Variants in INTS7 observed in about 807,000 individuals in gnomAD.
INTS7 encodes the protein integrator complex subunit 7.
INTS7 carries 46 observed loss-of-function variants against 109.2 expected under a neutral mutation model. That is an observed-to-expected ratio of 0.42 (90% CI 0.33 to 0.54). INTS7 has a LOEUF of 0.54. Ranked by LOEUF, INTS7 falls within the 20% of genes least tolerant of loss-of-function variation. The pLI, the probability that INTS7 is intolerant of heterozygous loss-of-function variation, is 0.07. For missense variants in INTS7, 929 were observed against 1,132.4 expected (o/e 0.82, Z 2.58); for synonymous variants, 412 against 402.9 (o/e 1.02, Z -0.27).
intron 1 of INTS7, among the ~76,000 whole-genome samples, chr1:212,026,226 A>G (rs1270651191): frequency 6.6e-6 from 1 of 152,226 alleles, no homozygotes; most frequent in African/African-American, 2.4e-5. Context: ...ACCACAAAGT[A>G]AAACTGCATA....
intron 4 of INTS7, among the ~76,000 whole-genome samples, chr1:212,012,187 G>C (rs112057249): frequency 1.3e-5 from 2 of 152,098 alleles, no homozygotes; most frequent in East Asian, 1.9e-4. Context: ...CCCTGAAAGC[G>C]TGTGAGTTTG....
At chr1:212,014,538 T>G (rs1210830461) in intron 4 of INTS7, among the ~76,000 whole-genome samples, 5 of 150,286 alleles carry the variant, frequency 3.3e-5, no homozygotes, top group Non-Finnish European at 7.4e-5. Context: ...TTAAAAAAAT[T>G]TATCCTCTCC....
chr1:211,948,691 G>C (rs577645261), intron 17 of INTS7, among the ~76,000 whole-genome samples: 18 of 152,134 alleles, frequency 1.2e-4, no homozygotes, highest in Non-Finnish European at 2.4e-4. Flanking sequence ...GCAGAAAGAC[G>C]TTAACGCTTT....
At chr1:211,973,224 G>A (rs140384968) in intron 13 of INTS7, among the ~76,000 whole-genome samples, 1 of 152,274 alleles carries the variant, frequency 6.6e-6, no homozygotes, top group Admixed American at 6.5e-5. Context: ...GGGATTACAG[G>A]CATGAGCCCC....
chr1:212,031,083 C>G (rs1417748328), intron 1 of INTS7: 1 of 152,236 alleles, frequency 6.6e-6, no homozygotes, highest in Admixed American at 6.5e-5. Flanking sequence ...CAAATCTATC[C>G]TCTATATTTC....
At position 211,959,032 on chromosome 1, in the gene INTS7, C is replaced by T. The variant is rs1296575793; in HGVS notation, c.2184-6331G>A. ...CCGGGGGAACAGTGACTTGAACTGG[C>T]AAAAAAACAACCAGCTACTGCCACG... On this transcript the variant is annotated intron_variant, in intron 16 of 19. Transcript: ENST00000366994. The surrounding 1 kb of genome is among the most constrained non-coding windows in gnomAD (Gnocchi z 4.2). Among the ~76,000 whole-genome samples the T allele has an allele frequency of 6.6e-6, 1 of 151,992 alleles. No individual in the cohort carries two copies. Among genetic ancestry groups the T allele is most frequent in the African/African-American group, 2.4e-5 (1 of 41,366 alleles).
chr1:211,973,114 C>T (rs2102416245), intron 13 of INTS7, among the ~76,000 whole-genome samples: 1 of 152,196 alleles, frequency 6.6e-6, no homozygotes, highest in East Asian at 1.9e-4. Context: ...CCATGCCTGG[C>T]TAATTTTTTT....
chr1:211,945,829 C>T (rs1241980776), intron 18 of INTS7, among the ~76,000 whole-genome samples: 1 of 152,192 alleles, frequency 6.6e-6, no homozygotes, highest in Non-Finnish European at 1.5e-5. Flanking sequence ...TTGTGAGTGG[C>T]TTAAATATTT....
chr1:211,977,595 T>C (rs1664474993), intron 11 of INTS7, among the ~76,000 whole-genome samples: 1 of 152,240 alleles, frequency 6.6e-6, no homozygotes, highest in Non-Finnish European at 1.5e-5. Context: ...CATTATATTT[T>C]TTCCCACATT....
Position 211,996,650 on chromosome 1 carries a change from CACTT to C in INTS7, c.880-8651_880-8648del, listed in dbSNP as rs1026503590. ...TGCTCTCATGGATATTAAAAAAAAT[CACTT>C]ACAGTAGCATTAAGACCATGAAATA... On this transcript the variant is annotated intron_variant, in intron 7 of 19. Transcript: ENST00000366994. Among the ~76,000 whole-genome samples, 10 of 152,102 alleles carry C rather than the reference CACTT, an allele frequency of 6.6e-5. 1 individual carries two copies. Among genetic ancestry groups the C allele is most frequent in the East Asian group, 3.8e-4 (2 of 5,196 alleles).
chr1:212,025,323 A>T (rs1405128311), intron 1 of INTS7, among the ~76,000 whole-genome samples: 1 of 152,170 alleles, frequency 6.6e-6, no homozygotes, highest in Non-Finnish European at 1.5e-5. Flanking sequence ...GGTAGCCAGG[A>T]GCTAGAGAGA....
intron 16 of INTS7, among the ~76,000 whole-genome samples, chr1:211,957,342 T>C (rs1038232346): frequency 3.3e-5 from 5 of 152,114 alleles, no homozygotes; most frequent in Non-Finnish European, 5.9e-5. Context: ...GGTCGGGAGT[T>C]TGAGACCAGC....
intron 7 of INTS7, among the ~76,000 whole-genome samples, chr1:212,000,962 A>G (rs1665640639): frequency 6.6e-6 from 1 of 152,020 alleles, no homozygotes; most frequent in African/African-American, 2.4e-5. Context: ...GGTCATTTCC[A>G]TCAATAAAAA....
chr1:211,951,365 G>A (rs1277511039), intron 17 of INTS7, among the ~76,000 whole-genome samples: 1 of 152,100 alleles, frequency 6.6e-6, no homozygotes, highest in Non-Finnish European at 1.5e-5. Flanking sequence ...CTGGAGTGCA[G>A]TGGCGCTATC....
intron 1 of INTS7, among the ~76,000 whole-genome samples, chr1:212,034,646 CT>C (rs766669928): frequency 2.0e-5 from 3 of 152,218 alleles, no homozygotes; most frequent in Admixed American, 6.5e-5. Context: ...CTAAATGCTT[CT>C]TTTGCATACC....
intron 8 of INTS7, among the ~76,000 whole-genome samples, chr1:211,987,548 T>C (rs1664946440): frequency 6.6e-6 from 1 of 152,186 alleles, no homozygotes; most frequent in African/African-American, 2.4e-5. Context: ...TACTTGACCT[T>C]TGAAATGTAC....
chr1:211,978,609 G>A (rs1664525214), intron 10 of INTS7, 98 bp from the exon 11 acceptor site: 3 of 1,344,858 alleles, frequency 2.2e-6, no homozygotes, highest in East Asian at 2.4e-5. Context: ...AAACTCAAGG[G>A]TGAGGTTTCT....
chr1:211,975,521 ACT>A (rs539841710), intron 12 of INTS7, 149 bp from the exon 13 acceptor site: 4 of 618,036 alleles, frequency 6.5e-6, no homozygotes, highest in East Asian at 2.7e-5. Context: ...ATTCGCTGAG[ACT>A]CTGTCTAAAT....
rs1037734656 is a variant in INTS7, at chr1:212,011,172, G to C, written c.556+203C>G. Among the ~76,000 whole-genome samples, 4 of 152,122 alleles carry C rather than the reference G, an allele frequency of 2.6e-5. 1 individual carries two copies. The highest frequency in any genetic ancestry group is 4.1e-4 in the South Asian group (2 of 4,830). On this transcript the variant is annotated intron_variant, in intron 5 of 19. Transcript: ENST00000366994. ...TCCCCACACACCCCACCCCTGACTA[G>C]AGTGTAGGTTAGATGGGGGTAAGGA...
Sources: allele counts gnomAD v4.1 joint callset (sites outside exome capture counted in the v4.1 genomes callset), GRCh38; gene constraint gnomAD v4.1.1; non-coding constraint Gnocchi (gnomAD v3.1); transcripts MANE v1.5; gene names NCBI Gene and HGNC (gene_info 2026-07-23, HGNC 2026-07-21).